The following C1orf56 variants were observed in gnomAD, a reference collection of about 807,000 sequenced individuals.
C1orf56 encodes the protein chromosome 1 open reading frame 56.
C1orf56 carries 14 observed loss-of-function variants against 20.7 expected under a neutral mutation model. The ratio of observed to expected loss-of-function variants is 0.68; its 90% confidence interval spans 0.45 to 1.06. The LOEUF (loss-of-function observed/expected upper bound fraction) is 1.06, where lower values mean the gene tolerates loss of function less well. C1orf56 is among the 50% of genes least tolerant of loss of function. The probability of loss-of-function intolerance (pLI) is 0.00; values close to 1 mark genes in which losing one functional copy is unlikely to be tolerated. For missense variants in C1orf56, 424 were observed against 451.4 expected, an observed-to-expected ratio of 0.94 and a Z score of 0.55; for synonymous variants, 187 against 194.7, an observed-to-expected ratio of 0.96 and a Z score of 0.33.
Position 151,050,478 on chromosome 1 carries a change from A to G in C1orf56, c.*20A>G. 6.2e-7 allele frequency: 1 copy of G among 1,605,554 alleles called. No homozygotes were observed. Among genetic ancestry groups the G allele is most frequent in the Non-Finnish European group, 8.5e-7 (1 of 1,176,198 alleles). On this transcript the variant is annotated 3_prime_UTR_variant, in exon 2 of 2. Transcript: ENST00000368926. ...AGGTAATGGCCACTTCATCCACATG[A>G]GGAGATGTCAGTATCTCAACCTCTC...
chr1:151,047,853 C>T lies in C1orf56; in HGVS notation c.6C>T (p.Val2=), dbSNP rs1445761615. The T allele has an allele frequency of 1.9e-6, 3 of 1,574,830 alleles. No individual in the cohort carries two copies. The highest frequency in any genetic ancestry group is 2.6e-6 in the Non-Finnish European group (3 of 1,162,806). Residue 2 remains valine, a synonymous_variant, in exon 1 of 2, where the codon GTC becomes GTT. Coordinates refer to ENST00000368926, the MANE Select transcript of C1orf56 (RefSeq NM_017860.5). ...AACCCCAAGAGCCCAGCCCCATGGT[C>T]CCCGCCGCCGGCGCGCTGCTGTGGG... is the stretch of plus-strand genomic sequence containing the variant. M[V]PAAGALLWVL... is the part of the protein sequence containing the mutation.
chr1:151,047,787 C>G lies in C1orf56; in HGVS notation c.-61C>G, dbSNP rs1676084207. The G allele has an allele frequency of 6.9e-7, 1 of 1,451,816 alleles. No individual in the cohort carries two copies. The highest frequency in any genetic ancestry group is 1.4e-5 in the African/African-American group (1 of 70,100). The allele number at this position is 1,451,816 out of a possible 1,614,324, so 89.9% of individuals were successfully genotyped here. On this transcript the variant is annotated 5_prime_UTR_variant, in exon 1 of 2. Coordinates refer to ENST00000368926, the MANE Select transcript of C1orf56 (RefSeq NM_017860.5). ...TGGGTCTACAGCGGAAGGGAGGGAG[C>G]GAAGGTAGGAGGCAGGGCTTGCCTC...
intron 1 of C1orf56, chr1:151,049,566 T>C (rs1362159296): frequency 6.6e-6 from 1 of 151,952 alleles, no homozygotes; most frequent in East Asian, 1.9e-4. Context: ...CCATAAGACT[T>C]TTTTTTCGAG....
rs1676157659 is a variant in C1orf56, at chr1:151,050,602, TGAGG to T, written c.*149_*152del. ...TCTTGTGTTTCTTTACAGAGGTACCTGAGGGAGGAGAGACATAAATCCCTTCATC... is the reference window on the plus strand; with the variant it reads ...TCTTGTGTTTCTTTACAGAGGTACCTGAGGAGAGACATAAATCCCTTCATC... On this transcript the variant is annotated 3_prime_UTR_variant, in exon 2 of 2. Coordinates refer to ENST00000368926, the MANE Select transcript of C1orf56 (RefSeq NM_017860.5). 2.6e-6 allele frequency: 2 copies of T among 776,370 alleles called. No individual in the cohort carries two copies. Among genetic ancestry groups the T allele is most frequent in the Non-Finnish European group, 4.1e-6 (2 of 484,830 alleles). The allele number at this position is 776,370 out of a possible 1,614,324, so 48.1% of individuals were successfully genotyped here.
At position 151,048,958 on chromosome 1, in the gene C1orf56, C is replaced by A; in HGVS notation, c.1005+106C>A. On this transcript the variant is annotated intron_variant, in intron 1 of 1. Coordinates refer to ENST00000368926, the MANE Select transcript of C1orf56 (RefSeq NM_017860.5). The surrounding 1 kb of genome is among the most constrained non-coding windows in gnomAD (Gnocchi z 4.8). ...CCAGTGTTGCTTACATGAACTGTTA[C>A]TGACTTACCTGGTTATTGATTCATA... 6.9e-7 allele frequency: 1 copy of A among 1,444,208 alleles called. No individual in the cohort carries two copies. The highest frequency in any genetic ancestry group is 1.5e-5 in the South Asian group (1 of 67,222). 89.5% of individuals were successfully genotyped at this position (1,444,208 alleles called of 1,614,324 possible).
chr1:151,048,427 C>T lies in C1orf56; in HGVS notation c.580C>T (p.Pro194Ser), dbSNP rs367581193. 7.5e-6 allele frequency: 12 copies of T among 1,609,986 alleles called. No individual in the cohort carries two copies. Among genetic ancestry groups the T allele is most frequent in the Non-Finnish European group, 9.3e-6 (11 of 1,179,992 alleles). The change falls in exon 1 of 2, where the codon CCA (proline) becomes TCA (serine). Residue 194 changes from proline (P) to serine (S), a missense_variant. Transcript: ENST00000368926. The surrounding 1 kb of genome is among the most constrained non-coding windows in gnomAD (Gnocchi z 4.8). Reference sequence around the variant, plus strand: ...GCCGTCACCCTCACCCACAGCCATGCCATCTCCTGAGGATCTGCGGCTGGT... The same window carrying T: ...GCCGTCACCCTCACCCACAGCCATGTCATCTCCTGAGGATCTGCGGCTGGT... The part of the protein sequence containing the change: ...RWPSPSPTAM[P>S]SPEDLRLVLM...
chr1:151,050,605 G>A lies in C1orf56; in HGVS notation c.*147G>A, dbSNP rs180954655. On this transcript the variant is annotated 3_prime_UTR_variant, in exon 2 of 2. Coordinates refer to ENST00000368926, the MANE Select transcript of C1orf56 (RefSeq NM_017860.5). The stretch of plus-strand genomic sequence containing the variant: ...TGTGTTTCTTTACAGAGGTACCTGA[G>A]GGAGGAGAGACATAAATCCCTTCAT... 8 of 753,442 alleles carry A rather than the reference G, an allele frequency of 1.1e-5. No individual in the cohort carries two copies. Among genetic ancestry groups the A allele is most frequent in the Non-Finnish European group, 6.4e-6 (3 of 466,286 alleles). 46.7% of individuals were successfully genotyped at this position (753,442 alleles called of 1,614,324 possible).
rs758057559 is a variant in C1orf56, at chr1:151,048,178, G to A, written c.331G>A (p.Val111Ile). The change falls in exon 1 of 2, where the codon GTT (valine) becomes ATT (isoleucine). Residue 111 changes from valine to isoleucine, a missense_variant. Val to Ile is a conservative substitution (Grantham distance 29). Transcript: ENST00000368926. The surrounding 1 kb of genome is among the most constrained non-coding windows in gnomAD (Gnocchi z 4.8). ...NEEDGSSEEGVVINAGKDSTS... is the reference protein window; with the variant it reads ...NEEDGSSEEGIVINAGKDSTS... Reference sequence around the variant, plus strand: ...GGAGGATGGGTCTTCAGAAGAGGGGGTTGTGATTAATGCCGGAAAGGATAG... The same window carrying A: ...GGAGGATGGGTCTTCAGAAGAGGGGATTGTGATTAATGCCGGAAAGGATAG... 1.2e-6 allele frequency: 2 copies of A among 1,614,224 alleles called. No individual in the cohort carries two copies. Among genetic ancestry groups the A allele is most frequent in the Non-Finnish European group, 1.7e-6 (2 of 1,180,044 alleles).
At chr1:151,050,331 G>A in intron 1 of C1orf56, 107 bp from the exon 2 acceptor site, 1 of 1,058,834 alleles carries the variant, frequency 9.4e-7, no homozygotes, top group East Asian at 2.4e-5. Flanking sequence ...TGGGCAGTAG[G>A]GTTGAGGGAA....
intron 1 of C1orf56, among the ~76,000 whole-genome samples, chr1:151,049,253 A>C (rs1030176804): frequency 1.3e-5 from 2 of 150,884 alleles, no homozygotes; most frequent in Non-Finnish European, 2.9e-5. Flanking sequence ...AGCTGGGATT[A>C]CAGGCACCCA....
At position 151,051,051 on chromosome 1, in the gene C1orf56, ACT is replaced by A. The variant is rs1254409986; in HGVS notation, c.*597_*598del. On this transcript the variant is annotated 3_prime_UTR_variant, in exon 2 of 2. Transcript: ENST00000368926. ...CAACAACTTTTTAATATAAATTACG[ACT>A]CTCAAACCCATTCCCATCACTTTAT... 6.6e-6 allele frequency: 1 copy of A among 152,118 alleles called. No homozygotes were observed. Among genetic ancestry groups the A allele is most frequent in the Non-Finnish European group, 1.5e-5 (1 of 68,068 alleles). The allele number at this position is 152,118 out of a possible 1,614,324, so 9.4% of individuals were successfully genotyped here.
rs1676155538 is a variant in C1orf56, at chr1:151,050,520, A to G, written c.*62A>G. 6.8e-7 allele frequency: 1 copy of G among 1,478,464 alleles called. No homozygotes were observed. Among genetic ancestry groups the G allele is most frequent in the Non-Finnish European group, 9.2e-7 (1 of 1,083,378 alleles). The allele number at this position is 1,478,464 out of a possible 1,614,324, so 91.6% of individuals were successfully genotyped here. A position where few individuals can be genotyped will look rare whatever the true frequency, so the allele number is the denominator to read the frequency against. On this transcript the variant is annotated 3_prime_UTR_variant, in exon 2 of 2. Transcript: ENST00000368926. ...CAACCTCTCTTGCCCTTTCAATCCT[A>G]GCACCCACTAGATATTTTTAGTACA...
At position 151,048,540 on chromosome 1, in the gene C1orf56, G is replaced by C. The variant is rs758797581; in HGVS notation, c.693G>C (p.Gly231=). 3 of 1,613,644 alleles carry C rather than the reference G, an allele frequency of 1.9e-6. No homozygotes were observed. In the South Asian group the frequency reaches 3.3e-5, roughly 18 times the overall value. The part of the protein sequence containing the change: ...SRSGKLHGLS[G]RLRVGALSQL... Reference sequence around the variant, plus strand: ...CTGGGAAGCTGCACGGCCTTTCCGGGCGCCTTCGAGTTGGGGCGCTGAGCC... The same window carrying C: ...CTGGGAAGCTGCACGGCCTTTCCGGCCGCCTTCGAGTTGGGGCGCTGAGCC... Residue 231 remains glycine, a synonymous_variant, in exon 1 of 2, where the codon GGG becomes GGC. Coordinates refer to ENST00000368926, the MANE Select transcript of C1orf56 (RefSeq NM_017860.5). The surrounding 1 kb of genome is among the most constrained non-coding windows in gnomAD (Gnocchi z 4.8).
In C1orf56 at chr1:151,051,392, T is replaced by TAAA. The variant is rs1558107414; in HGVS notation, c.*934_*935insAAA. 2 of 3,658 alleles carry TAAA rather than the reference T, an allele frequency of 5.5e-4. No individual in the cohort carries two copies. The highest frequency in any genetic ancestry group is 2.0e-3 in the Non-Finnish European group (2 of 978). The allele number at this position is 3,658 out of a possible 1,614,324, so 0.2% of individuals were successfully genotyped here. A position where few individuals can be genotyped will look rare whatever the true frequency, so the allele number is the denominator to read the frequency against. ...AAATGGCAGAAAATACATGGAAATT[T>TAAA]GAAAAAAAAAAAAAAAAAAAAAAAA... On this transcript the variant is annotated 3_prime_UTR_variant, in exon 2 of 2. Transcript: ENST00000368926.
In C1orf56 at chr1:151,048,384, G is replaced by T. The variant is rs1158180761; in HGVS notation, c.537G>T (p.Gly179=). ...QATLSQWSTP[G]STPSRWPSPS... ...CCCTGAGCCAGTGGTCCACACCTGGGTCTACCCCGAGCCGGTGGCCGTCAC... is the reference window on the plus strand; with the variant it reads ...CCCTGAGCCAGTGGTCCACACCTGGTTCTACCCCGAGCCGGTGGCCGTCAC... Residue 179 remains glycine, a synonymous_variant, in exon 1 of 2, where the codon GGG becomes GGT. Transcript: ENST00000368926. The surrounding 1 kb of genome is among the most constrained non-coding windows in gnomAD (Gnocchi z 4.8). The T allele has an allele frequency of 6.2e-7, 1 of 1,612,628 alleles. No individual in the cohort carries two copies. Among genetic ancestry groups the T allele is most frequent in the South Asian group, 1.1e-5 (1 of 91,084 alleles).
chr1:151,048,626 AAG>A lies in C1orf56; in HGVS notation c.782_783del (p.Glu261ValfsTer10). On this transcript the variant is annotated frameshift_variant, in exon 1 of 2. Transcript: ENST00000368926. LOFTEE classifies it high-confidence loss of function. This position sits in a 1 kb window ranked among gnomAD's most constrained non-coding sequence, Gnocchi z 4.8. ...CAATGTCCCTGCAACCGACTTCGGG[AAG>A]AGTGCCCCCTGGACACAAGTCTCTG... The A allele has an allele frequency of 6.2e-7, 1 of 1,612,474 alleles. No homozygotes were observed. The highest frequency in any genetic ancestry group is 8.5e-7 in the Non-Finnish European group (1 of 1,178,482).
chr1:151,050,679 C>T lies in C1orf56; in HGVS notation c.*221C>T, dbSNP rs763122071. The T allele has an allele frequency of 2.1e-5, 9 of 425,086 alleles. No homozygotes were observed. The highest frequency in any genetic ancestry group is 3.3e-5 in the Non-Finnish European group (8 of 239,070). The allele number at this position is 425,086 out of a possible 1,614,324, so 26.3% of individuals were successfully genotyped here. Reference sequence around the variant, plus strand: ...AGCAGCCTCTGGCTTGTTTTCTACTCCCTGTCCCTCAGGATAAAATGTTGA... The same window carrying T: ...AGCAGCCTCTGGCTTGTTTTCTACTTCCTGTCCCTCAGGATAAAATGTTGA... On this transcript the variant is annotated 3_prime_UTR_variant, in exon 2 of 2. Coordinates refer to ENST00000368926, the MANE Select transcript of C1orf56 (RefSeq NM_017860.5).
At position 151,048,499 on chromosome 1, in the gene C1orf56, A is replaced by T; in HGVS notation, c.652A>T (p.Met218Leu). Residue 218 changes from methionine (M) to leucine (L), a missense_variant, in exon 1 of 2, where the codon ATG becomes TTG. Transcript: ENST00000368926. This position sits in a 1 kb window ranked among gnomAD's most constrained non-coding sequence, Gnocchi z 4.8. ...PWHCHCKSGT[M>L]SRSRSGKLHG... Reference sequence around the variant, plus strand: ...GCACTGCCACTGCAAGTCGGGCACCATGAGCCGGAGCCGGTCTGGGAAGCT... The same window carrying T: ...GCACTGCCACTGCAAGTCGGGCACCTTGAGCCGGAGCCGGTCTGGGAAGCT... 6.2e-7 allele frequency: 1 copy of T among 1,610,680 alleles called. No individual in the cohort carries two copies. Among genetic ancestry groups the T allele is most frequent in the Non-Finnish European group, 8.5e-7 (1 of 1,179,972 alleles).
At chr1:151,050,056 T>A (rs184422432) in intron 1 of C1orf56, among the ~76,000 whole-genome samples, 2 of 152,344 alleles carry the variant, frequency 1.3e-5, no homozygotes, top group Admixed American at 1.3e-4. Context: ...GCCACGAGAT[T>A]TAAACCAGGT....
Sources: gnomAD v4.1 joint callset for allele counts (sites outside exome capture counted in the v4.1 genomes callset) on GRCh38, gnomAD v4.1.1 for gene constraint, Gnocchi (gnomAD v3.1) non-coding constraint, MANE v1.5 for transcripts, NCBI Gene and HGNC (gene_info 2026-07-23, HGNC 2026-07-21) for gene names.